Variants in ADGRL2 observed in about 807,000 individuals in gnomAD.
The protein encoded by ADGRL2 is adhesion G protein-coupled receptor L2, also known as calcium-independent alpha-latrotoxin receptor 2.
Under a neutral mutation model 157.4 loss-of-function variants are expected in ADGRL2, and 44 were observed. The observed-to-expected ratio is 0.28, with a 90% CI of 0.22 to 0.36. The LOEUF (loss-of-function observed/expected upper bound fraction) is 0.36. Ranked by LOEUF, ADGRL2 falls within the 10% of genes least tolerant of loss-of-function variation. The pLI is 1.00. For synonymous variants in ADGRL2, 585 were observed against 624.7 expected (o/e 0.94, Z 0.95); for missense variants, 1,510 against 1,768.9 (o/e 0.85, Z 2.63).
At chr1:81,632,780 G>A (rs561257649) in intron 3 of ADGRL2, among the ~76,000 whole-genome samples, 4 of 152,006 alleles carry the variant, frequency 2.6e-5, no homozygotes, top group African/African-American at 9.6e-5. Context: ...GTCATTGTGG[G>A]CAGAGTTGAG....
chr1:81,973,299 C>G (rs373665182), intron 17 of ADGRL2, among the ~76,000 whole-genome samples: 10 of 151,988 alleles, frequency 6.6e-5, no homozygotes, highest in Non-Finnish European at 1.3e-4. Flanking sequence ...TGATGATTGC[C>G]CAAGTTTTTG....
chr1:81,803,170 G>A (rs943467981), intron 1 of ADGRL2, among the ~76,000 whole-genome samples: 1 of 152,082 alleles, frequency 6.6e-6, no homozygotes, highest in Non-Finnish European at 1.5e-5. Context: ...ACGAGAGAAA[G>A]GCGTGGGAGG....
intron 1 of ADGRL2, among the ~76,000 whole-genome samples, chr1:81,308,718 A>C (rs79001464): frequency 2.0e-5 from 3 of 152,154 alleles, no homozygotes; most frequent in African/African-American, 7.2e-5. Context: ...AGACTTTCGC[A>C]TTTGTTTGCA....
intron 2 of ADGRL2, among the ~76,000 whole-genome samples, chr1:81,770,321 C>T (rs1477198750): frequency 6.6e-6 from 1 of 151,656 alleles, no homozygotes; most frequent in Non-Finnish European, 1.5e-5. Context: ...TGCCACCCTA[C>T]CTGGCTAATT....
chr1:81,971,752 A>T, intron 16 of ADGRL2, 100 bp from the exon 17 acceptor site: 1 of 628,472 alleles, frequency 1.6e-6, no homozygotes, highest in African/African-American at 1.8e-5. Context: ...AGGCAAATGT[A>T]AAGATAGTTT....
At chr1:81,608,331 AG>A (rs2081474713) in intron 3 of ADGRL2, among the ~76,000 whole-genome samples, 1 of 152,184 alleles carries the variant, frequency 6.6e-6, no homozygotes, top group Non-Finnish European at 1.5e-5. Flanking sequence ...GCATCCGGGA[AG>A]GGAAGGTGAG....
At chr1:81,674,432 T>C (rs1054348592) in intron 3 of ADGRL2, among the ~76,000 whole-genome samples, 3 of 152,208 alleles carry the variant, frequency 2.0e-5, no homozygotes, top group Non-Finnish European at 4.4e-5. Flanking sequence ...AAGATCTCTT[T>C]CCTGACAGCC....
At position 81,487,108 on chromosome 1, in the gene ADGRL2, A is replaced by AAT. The variant is rs537612028; in HGVS notation, c.-248+42020_-248+42021insTA. 2.8e-4 allele frequency among the ~76,000 whole-genome samples: 38 copies of AAT among 135,516 alleles called. 2 individuals are homozygous for AAT. The highest frequency in any genetic ancestry group is 4.8e-4 in the South Asian group (2 of 4,140). 88.9% of individuals were successfully genotyped at this position (135,516 alleles called of 152,430 possible). The stretch of plus-strand genomic sequence containing the variant: ...CATCTCTACAAAAAAAAAAAAAAAA[A>AAT]AGAAAGTAAATCAGCCAGGTGTGGT... On this transcript the variant is annotated intron_variant, in intron 2 of 24. Transcript: ENST00000370721.
At chr1:81,836,629 C>T (rs918212655) in intron 1 of ADGRL2, among the ~76,000 whole-genome samples, 1 of 151,884 alleles carries the variant, frequency 6.6e-6, no homozygotes, top group African/African-American at 2.4e-5. Context: ...TTTCAGAATC[C>T]CTTTGTATAT....
chr1:81,579,518 A>G (rs2080863364), intron 2 of ADGRL2: 1 of 152,190 alleles, frequency 6.6e-6, no homozygotes, highest in Non-Finnish European at 1.5e-5. Context: ...TTAATTCAGA[A>G]TATAAATTAA....
At chr1:81,784,949 A>T (rs1000772165) in intron 2 of ADGRL2, among the ~76,000 whole-genome samples, 1 of 152,120 alleles carries the variant, frequency 6.6e-6, no homozygotes, top group Non-Finnish European at 1.5e-5. Context: ...AAAGGGAGAG[A>T]AGACAAAATT....
intron 1 of ADGRL2, among the ~76,000 whole-genome samples, chr1:81,710,045 G>A (rs752933194): frequency 9.2e-5 from 14 of 152,042 alleles, no homozygotes; most frequent in Admixed American, 2.6e-4. Context: ...GGAAATAGGC[G>A]TTACAAGGCA....
chr1:81,552,605 GA>G (rs35795177), intron 2 of ADGRL2, among the ~76,000 whole-genome samples: 42,926 of 104,058 alleles, frequency 0.41, 5,948 homozygotes, highest in East Asian at 0.55. Flanking sequence ...ACTTTACTTA[GA>G]AAAAAAAAAA....
chr1:81,905,259 G>A (rs535388391), intron 2 of ADGRL2, among the ~76,000 whole-genome samples: 47 of 151,894 alleles, frequency 3.1e-4, no homozygotes, highest in African/African-American at 1.1e-3. Context: ...CACCACACCC[G>A]GCTAGTTTTG....
chr1:81,488,639 T>A (rs1361731103), intron 2 of ADGRL2, among the ~76,000 whole-genome samples: 1 of 149,894 alleles, frequency 6.7e-6, no homozygotes, highest in Admixed American at 6.7e-5. Context: ...GCATGGGAGG[T>A]CGGGGCTGCA....
intron 1 of ADGRL2, among the ~76,000 whole-genome samples, chr1:81,705,538 C>T (rs960684841): frequency 1.3e-5 from 2 of 151,882 alleles, no homozygotes; most frequent in African/African-American, 2.4e-5. Flanking sequence ...GTGAGCCATG[C>T]GCCCGGCTGG....
chr1:81,418,274 C>T lies in ADGRL2; in HGVS notation c.-301-26762C>T, dbSNP rs544268966. 2.0e-5 allele frequency among the ~76,000 whole-genome samples: 3 copies of T among 152,272 alleles called. No individual in the cohort carries two copies. The South Asian group carries it at 6.2e-4, about 32-fold the overall frequency. On this transcript the variant is annotated intron_variant, in intron 1 of 24. Coordinates refer to the ADGRL2 transcript ENST00000370721. ...CACTATTTTAAAATATACACACTTCCACATGATAATATGCCCTTGAGCCTG... is the reference window on the plus strand; with the variant it reads ...CACTATTTTAAAATATACACACTTCTACATGATAATATGCCCTTGAGCCTG...
At chr1:81,921,169 G>A (rs1456304310) in intron 3 of ADGRL2, among the ~76,000 whole-genome samples, 3 of 152,110 alleles carry the variant, frequency 2.0e-5, no homozygotes, top group African/African-American at 4.8e-5. Flanking sequence ...AGTTATTCTA[G>A]TGTTTCTTTT....
intron 1 of ADGRL2, among the ~76,000 whole-genome samples, chr1:81,729,567 AT>A (rs1168463616): frequency 1.3e-5 from 2 of 152,004 alleles, no homozygotes; most frequent in Admixed American, 6.6e-5. Context: ...TGATGTACAT[AT>A]TTTTTCCATC....
Sources: allele counts gnomAD v4.1 joint callset (sites outside exome capture counted in the v4.1 genomes callset), GRCh38; gene constraint gnomAD v4.1.1; transcripts MANE v1.5; gene names NCBI Gene and HGNC (gene_info 2026-07-23, HGNC 2026-07-21).